PIBF1: variants seen among roughly 807,000 people sequenced by gnomAD.
PIBF1 encodes progesterone immunomodulatory binding factor 1.
Under a neutral mutation model 112.5 loss-of-function variants are expected in PIBF1, and 90 were observed. The ratio of observed to expected loss-of-function variants is 0.80; its 90% CI spans 0.67 to 0.95. The LOEUF (loss-of-function observed/expected upper bound fraction) is 0.95. PIBF1 is among the 40% of genes least tolerant of loss of function. The probability of loss-of-function intolerance (pLI) is 0.00; values close to 1 mark genes in which losing one functional copy is unlikely to be tolerated. For synonymous variants in PIBF1, 301 were observed against 288.6 expected, an observed-to-expected ratio of 1.04 and a Z score of -0.44; for missense variants, 915 against 852.3, an observed-to-expected ratio of 1.07 and a Z score of -0.92.
intron 4 of PIBF1, among the ~76,000 whole-genome samples, chr13:72,796,354 T>C (rs2035197688): frequency 6.6e-6 from 1 of 152,112 alleles, no homozygotes; most frequent in African/African-American, 2.4e-5. Context: ...CCCAAAACCA[T>C]ATGTTGAGAA....
intron 3 of PIBF1, among the ~76,000 whole-genome samples, chr13:72,792,983 A>G (rs1439173270): frequency 1.3e-5 from 2 of 152,236 alleles, no homozygotes; most frequent in East Asian, 1.9e-4. Flanking sequence ...ATTAAAAATA[A>G]TACAAACAAT....
rs1325979937 is a variant in PIBF1, at chr13:72,990,505, A to T, written c.2050-8317A>T. Among the ~76,000 whole-genome samples, 4 of 146,378 alleles carry T rather than the reference A, an allele frequency of 2.7e-5. No individual in the cohort carries two copies. The South Asian group carries it at 8.6e-4, about 32-fold the overall frequency. Reference sequence around the variant, plus strand: ...CACTACACTCCAGCCTGTGTGACAGAGCAAGACTCCATCTCTCCATCTCAA... The same window carrying T: ...CACTACACTCCAGCCTGTGTGACAGTGCAAGACTCCATCTCTCCATCTCAA... On this transcript the variant is annotated intron_variant, in intron 16 of 17. Transcript: ENST00000326291.
At chr13:72,977,598 T>C (rs1269159354) in intron 16 of PIBF1, among the ~76,000 whole-genome samples, 1 of 151,894 alleles carries the variant, frequency 6.6e-6, no homozygotes, top group Non-Finnish European at 1.5e-5. Flanking sequence ...TTCATTTACA[T>C]AATTCCAAAA....
intron 11 of PIBF1, among the ~76,000 whole-genome samples, chr13:72,902,107 CTAT>C (rs1350305617): frequency 6.6e-6 from 1 of 150,912 alleles, no homozygotes; most frequent in Non-Finnish European, 1.5e-5. Flanking sequence ...AGATTGGAGA[CTAT>C]TATTCTAAGG....
Position 72,792,448 on chromosome 13 carries a change from T to C in PIBF1, c.254T>C (p.Ile85Thr), listed in dbSNP as rs751257308. The C allele has an allele frequency of 1.6e-5, 24 of 1,521,206 alleles. No individual in the cohort carries two copies. Among genetic ancestry groups the C allele is most frequent in the Non-Finnish European group, 2.1e-5 (24 of 1,123,474 alleles). The allele number at this position is 1,521,206 out of a possible 1,614,324, so 94.2% of individuals were successfully genotyped here. A position where few individuals can be genotyped will look rare whatever the true frequency, so the allele number is the denominator to read the frequency against. Residue 85 changes from isoleucine to threonine, a missense_variant and splice_region_variant, in exon 3 of 18, where the codon ATT becomes ACT. Physicochemically the swap from Ile to Thr is moderately conservative, Grantham distance 89 (BLOSUM62 -1). Transcript: ENST00000326291. The stretch of plus-strand genomic sequence containing the variant: ...ATTTATCTTTTTCTCTTTACGAAGA[T>C]TGAAGAATTGGAGGAGAAACTTAAT... ...DNLKVDYLTK[I>T]EELEEKLNDA...
chr13:72,924,320 C>T (rs2041405298), intron 13 of PIBF1, among the ~76,000 whole-genome samples: 2 of 152,022 alleles, frequency 1.3e-5, no homozygotes, highest in South Asian at 2.1e-4. Context: ...TCTTTAATTG[C>T]CCATTATTGG....
chr13:72,904,330 T>C (rs2138632665), intron 11 of PIBF1, among the ~76,000 whole-genome samples: 1 of 151,802 alleles, frequency 6.6e-6, no homozygotes, highest in South Asian at 2.1e-4. Context: ...TATAATGCAA[T>C]TCAGTTACAG....
intron 9 of PIBF1, among the ~76,000 whole-genome samples, chr13:72,844,770 C>CTGTTT (rs1341154496): frequency 2.8e-5 from 3 of 107,962 alleles, no homozygotes; most frequent in Non-Finnish European, 4.1e-5. Context: ...CACACACACA[C>CTGTTT]ACACACACAC....
At chr13:72,933,642 A>G (rs2041778072) in intron 14 of PIBF1, among the ~76,000 whole-genome samples, 1 of 152,256 alleles carries the variant, frequency 6.6e-6, no homozygotes, top group Admixed American at 6.5e-5. Flanking sequence ...AGCCTGGGCA[A>G]CAGAGGGAAA....
At chr13:72,804,863 A>G (rs942496910) in intron 5 of PIBF1, among the ~76,000 whole-genome samples, 3 of 152,374 alleles carry the variant, frequency 2.0e-5, no homozygotes, top group Non-Finnish European at 4.4e-5. Flanking sequence ...AATTTGACAA[A>G]TAAAAGGAAG....
intron 15 of PIBF1, among the ~76,000 whole-genome samples, chr13:72,969,436 A>G (rs569056395): frequency 3.3e-5 from 5 of 152,316 alleles, no homozygotes; most frequent in African/African-American, 1.2e-4. Context: ...TTCTGAACTG[A>G]TAATTCACAG....
At chr13:72,987,858 A>ATTTTTTTTTTTTTTTTTTTTTT (rs55999445) in intron 16 of PIBF1, among the ~76,000 whole-genome samples, 3 of 58,132 alleles carry the variant, frequency 5.2e-5, no homozygotes, top group African/African-American at 2.8e-4. Context: ...TTATTTATTT[A>ATTTTTTTTTTTTTTTTTTTTTT]TTTTTTTTTT....
At chr13:72,946,996 C>T (rs1198457230) in intron 14 of PIBF1, among the ~76,000 whole-genome samples, 1 of 152,182 alleles carries the variant, frequency 6.6e-6, no homozygotes, top group East Asian at 1.9e-4. Flanking sequence ...TAGGCAGTGT[C>T]CTAGTGTGGA....
chr13:72,847,048 TACTC>T (rs1566351837), intron 9 of PIBF1, among the ~76,000 whole-genome samples: 2 of 152,252 alleles, frequency 1.3e-5, no homozygotes, highest in Admixed American at 6.5e-5. Flanking sequence ...ATATAGTAGT[TACTC>T]AGTTAACCAT....
At chr13:72,805,181 C>T (rs576165832) in intron 5 of PIBF1, among the ~76,000 whole-genome samples, 1 of 152,146 alleles carries the variant, frequency 6.6e-6, no homozygotes, top group African/African-American at 2.4e-5. Context: ...CTCGCTTTGT[C>T]GCCCAGGCTG....
intron 10 of PIBF1, among the ~76,000 whole-genome samples, chr13:72,860,322 T>G (rs927172975): frequency 1.3e-5 from 2 of 149,386 alleles, no homozygotes; most frequent in Non-Finnish European, 3.0e-5. Context: ...TGTGTGTGTG[T>G]GTGTGTGTGT....
chr13:72,871,251 T>C (rs1226688412), intron 10 of PIBF1, among the ~76,000 whole-genome samples: 1 of 152,116 alleles, frequency 6.6e-6, no homozygotes, highest in African/African-American at 2.4e-5. Flanking sequence ...TTCCAAAATA[T>C]AGTTTGGGCC....
intron 13 of PIBF1, among the ~76,000 whole-genome samples, chr13:72,924,809 G>A (rs2325482): frequency 0.21 from 31,796 of 152,074 alleles, 3,421 homozygotes; most frequent in Middle Eastern, 0.27. Context: ...TTTATGAGTT[G>A]CATCTGTTTA....
At chr13:73,013,334 T>C (rs1476796451) in intron 17 of PIBF1, among the ~76,000 whole-genome samples, 3 of 125,622 alleles carry the variant, frequency 2.4e-5, no homozygotes, top group African/African-American at 3.3e-5. Context: ...AAAGAAAATA[T>C]TAGAAGGAGA....
Sources: gnomAD v4.1 joint callset for allele counts (sites outside exome capture counted in the v4.1 genomes callset) on GRCh38, gnomAD v4.1.1 for gene constraint, MANE v1.5 for transcripts, NCBI Gene and HGNC (gene_info 2026-07-23, HGNC 2026-07-21) for gene names.